The following CCDC163 variants were observed in gnomAD, a reference collection of about 807,000 sequenced individuals.
The protein encoded by CCDC163 is transmembrane protein CCDC163.
Under a neutral mutation model 8.2 loss-of-function variants are expected in CCDC163, and 13 were observed. The ratio of observed to expected loss-of-function variants is 1.59; its 90% CI spans 1.04 to 2.54. The LOEUF (loss-of-function observed/expected upper bound fraction) is 2.54, where lower values mean the gene tolerates loss of function less well. Among genes scored for constraint, CCDC163 ranks in the 30% most tolerant of loss-of-function variants. CCDC163 has a pLI of 0.00. For synonymous variants in CCDC163, 41 were observed against 30.9 expected (o/e 1.33, Z -1.08); for missense variants, 117 against 78.6 (o/e 1.49, Z -1.85).
At chr1:45,496,455 C>A in intron 4 of CCDC163, 101 bp downstream of exon 4, 1 of 713,802 alleles carries the variant, frequency 1.4e-6, no homozygotes, top group Non-Finnish European at 2.6e-6. Flanking sequence ...AAGACAGGGG[C>A]AGGAGAGGGT....
In CCDC163 at chr1:45,499,579, G is replaced by A. The variant is rs753070176; in HGVS notation, c.31C>T (p.Leu11=). 5 of 777,138 alleles carry A rather than the reference G, an allele frequency of 6.4e-6. No individual in the cohort carries two copies. In the African/African-American group the frequency reaches 8.5e-5, roughly 13 times the overall value. The allele number at this position is 777,138 out of a possible 1,614,324, so 48.1% of individuals were successfully genotyped here. ...TCAGTAGCGTTGAGAAGCACATCCA[G>A]CTGCTCAAACCAGCTGAGGCTCGTA... is the stretch of plus-strand genomic sequence containing the variant. MNTSLSWFEQ[L]DVLLNATDGN... Residue 11 remains leucine, a synonymous_variant, in exon 1 of 5, where the codon CTG becomes TTG. Coordinates refer to ENST00000629482, the MANE Select transcript of CCDC163 (RefSeq NM_001102601.3).
At position 45,499,756 on chromosome 1, in the gene CCDC163, T is replaced by C; in HGVS notation, c.-147A>G. ...GGGATGCAACACTGGGGTAGGTGGA[T>C]GCACTATCAGACCAAAACTGCGATC... On this transcript the variant is annotated 5_prime_UTR_variant, in exon 1 of 5. Transcript: ENST00000629482. 1.6e-6 allele frequency: 1 copy of C among 623,724 alleles called. No homozygotes were observed. Among genetic ancestry groups the C allele is most frequent in the South Asian group, 1.9e-5 (1 of 52,282 alleles). 38.6% of individuals were successfully genotyped at this position (623,724 alleles called of 1,614,324 possible).
intron 2 of CCDC163, among the ~76,000 whole-genome samples, chr1:45,498,194 A>C (rs1643412394): frequency 6.6e-6 from 1 of 151,892 alleles, no homozygotes. Context: ...ATGCTCATTA[A>C]GAGTCATCAC....
chr1:45,497,692 G>A (rs796669887), intron 2 of CCDC163, among the ~76,000 whole-genome samples: 166 of 21,404 alleles, frequency 7.8e-3, no homozygotes, highest in Middle Eastern at 0.05. Context: ...CAGCCACCCC[G>A]TCCGGGAGGG....
Position 45,499,800 on chromosome 1 carries a change from A to G in CCDC163, c.-191T>C, listed in dbSNP as rs1472275146. On this transcript the variant is annotated 5_prime_UTR_variant, in exon 1 of 5. Coordinates refer to ENST00000629482, the MANE Select transcript of CCDC163 (RefSeq NM_001102601.3). ...TGCGATCCTGTGACTAGGGAAAGGA[A>G]GGACGCTCTTGGGGAACTGGGGGAA... 1.7e-6 allele frequency: 1 copy of G among 596,960 alleles called. No individual in the cohort carries two copies. The highest frequency in any genetic ancestry group is 3.0e-6 in the Non-Finnish European group (1 of 334,326). 37.0% of individuals were successfully genotyped at this position (596,960 alleles called of 1,614,324 possible).
intron 2 of CCDC163, among the ~76,000 whole-genome samples, chr1:45,497,614 A>C (rs1359413486): frequency 8.0e-6 from 1 of 125,164 alleles, no homozygotes; most frequent in East Asian, 2.2e-4. Context: ...TGGCCTCCCA[A>C]AGTGCCGAGA....
At chr1:45,497,115 G>A (rs893526689) in intron 3 of CCDC163, among the ~76,000 whole-genome samples, 184 bp downstream of exon 3, 1 of 152,188 alleles carries the variant, frequency 6.6e-6, no homozygotes, top group East Asian at 1.9e-4. Context: ...AGAGGTTGCA[G>A]TGAGCCAAGA....
intron 2 of CCDC163, among the ~76,000 whole-genome samples, chr1:45,497,630 G>T (rs1481556384): frequency 2.0e-4 from 22 of 110,462 alleles, no homozygotes; most frequent in South Asian, 6.5e-4. Flanking sequence ...CGAGACTGCA[G>T]CCTCTGCCCG....
chr1:45,499,188 T>G (rs886471431), intron 2 of CCDC163, among the ~76,000 whole-genome samples, 157 bp downstream of exon 2: 4 of 152,060 alleles, frequency 2.6e-5, no homozygotes, highest in Non-Finnish European at 2.9e-5. Flanking sequence ...GGTCCCCGGC[T>G]GAGGAAATAA....
Position 45,495,540 on chromosome 1 carries a change from G to A in CCDC163, c.331-374C>T, listed in dbSNP as rs958382377. ...CAGCTTAGATTGGACAACATGAATG[G>A]AGATCCTGGAAAGGGGAACAGAACC... On this transcript the variant is annotated intron_variant, in intron 4 of 4. Transcript: ENST00000629482. 4.3e-6 allele frequency: 3 copies of A among 702,744 alleles called. No individual in the cohort carries two copies. The East Asian group carries it at 8.0e-5, about 19-fold the overall frequency. The allele number at this position is 702,744 out of a possible 1,614,324, so 43.5% of individuals were successfully genotyped here.
chr1:45,500,027 T>C lies in CCDC163; in HGVS notation c.-418A>G, dbSNP rs528243409. ...GCTGCCGCAGCGCCACCTGGGAAAC[T>C]GAGGTCGCCTCTTGCGAACACAACC... On this transcript the variant is annotated 5_prime_UTR_variant, in exon 1 of 5. Transcript: ENST00000629482. 325 of 521,538 alleles carry C rather than the reference T, an allele frequency of 6.2e-4. 5 individuals carry two copies. The East Asian group carries it at 9.8e-3, about 16-fold the overall frequency. 32.3% of individuals were successfully genotyped at this position (521,538 alleles called of 1,614,324 possible).
At chr1:45,495,365 C>A (rs1654019632) in intron 4 of CCDC163, 199 bp from the exon 5 acceptor site, 2 of 702,732 alleles carry the variant, frequency 2.8e-6, no homozygotes. Context: ...GGCATTCAGG[C>A]ACCATTCAGA....
chr1:45,497,620 C>CAG (rs1654287678), intron 2 of CCDC163, among the ~76,000 whole-genome samples: 10 of 107,702 alleles, frequency 9.3e-5, no homozygotes, highest in South Asian at 3.3e-4. Flanking sequence ...CCCAAAGTGC[C>CAG]GAGACTGCAG....
Position 45,494,112 on chromosome 1 carries a change from T to C in CCDC163, c.*947A>G, listed in dbSNP as rs1471413991. 3.3e-5 allele frequency: 5 copies of C among 152,262 alleles called. No individual in the cohort carries two copies. The highest frequency in any genetic ancestry group is 3.4e-3 in the Middle Eastern group (1 of 294). The allele number at this position is 152,262 out of a possible 1,614,324, so 9.4% of individuals were successfully genotyped here. A position where few individuals can be genotyped will look rare whatever the true frequency, so the allele number is the denominator to read the frequency against. ...AAGAGGCTGCTACAGAAATGCAGTC[T>C]GGGCTGCTAAGGATGATGTGTGGAG... On this transcript the variant is annotated 3_prime_UTR_variant, in exon 5 of 5. Transcript: ENST00000629482.
chr1:45,499,017 G>A (rs1643454141), intron 2 of CCDC163, among the ~76,000 whole-genome samples: 2 of 152,310 alleles, frequency 1.3e-5, no homozygotes, highest in Middle Eastern at 3.4e-3. Context: ...ATTGAAATTA[G>A]GATCAGAGAA....
intron 2 of CCDC163, among the ~76,000 whole-genome samples, chr1:45,497,868 G>A (rs1203626078): frequency 5.5e-5 from 8 of 146,022 alleles, no homozygotes; most frequent in South Asian, 2.2e-4. Flanking sequence ...CCACCACCCC[G>A]TCTGGGAGGT....
chr1:45,499,324 G>A (rs1182566415), intron 2 of CCDC163, 21 bp downstream of exon 2: 1 of 762,244 alleles, frequency 1.3e-6, no homozygotes, highest in South Asian at 1.4e-5. Context: ...GGGCTTGGAA[G>A]TAGAAAGAGA....
intron 2 of CCDC163, among the ~76,000 whole-genome samples, chr1:45,497,695 CGG>C: frequency 2.4e-5 from 1 of 41,312 alleles, no homozygotes; most frequent in Non-Finnish European, 4.6e-5. Flanking sequence ...CCACCCCGTC[CGG>C]GAGGGAGGTG....
intron 2 of CCDC163, among the ~76,000 whole-genome samples, chr1:45,497,665 G>C (rs1163594866): frequency 5.7e-5 from 5 of 88,404 alleles, no homozygotes; most frequent in East Asian, 2.6e-4. Context: ...TGGGAAGTGA[G>C]GAGCGTCTCC....
Sources: gnomAD v4.1 joint callset for allele counts (sites outside exome capture counted in the v4.1 genomes callset) on GRCh38, gnomAD v4.1.1 for gene constraint, MANE v1.5 for transcripts, NCBI Gene and HGNC (gene_info 2026-07-23, HGNC 2026-07-21) for gene names.